Variants in CRACR2A observed in about 807,000 individuals in gnomAD.
The protein encoded by CRACR2A is EF-hand calcium-binding domain-containing protein 4B.
CRACR2A carries 79 observed loss-of-function variants against 90.5 expected under a neutral mutation model. That is an observed-to-expected ratio of 0.87 (90% CI 0.73 to 1.05). The LOEUF (loss-of-function observed/expected upper bound fraction) is 1.05, where lower values mean the gene tolerates loss of function less well. Ranked by LOEUF, CRACR2A falls within the 50% of genes least tolerant of loss-of-function variation. The pLI, the probability that CRACR2A is intolerant of heterozygous loss-of-function variation, is 0.00. For missense variants in CRACR2A, 823 were observed against 897.2 expected (o/e 0.92, Z 1.06); for synonymous variants, 338 against 356.7 (o/e 0.95, Z 0.59).
intron 6 of CRACR2A, among the ~76,000 whole-genome samples, chr12:3,674,081 C>A (rs1198961777): frequency 6.6e-6 from 1 of 152,204 alleles, no homozygotes; most frequent in Non-Finnish European, 1.5e-5. Context: ...TTTAAGGACA[C>A]ACACTATGGA....
intron 15 of CRACR2A, among the ~76,000 whole-genome samples, chr12:3,631,214 C>G (rs1053739910): frequency 6.6e-6 from 1 of 152,188 alleles, no homozygotes; most frequent in Non-Finnish European, 1.5e-5. Context: ...TGATTTGGAA[C>G]TTTTGATATT....
At chr12:3,738,662 T>A (rs1323785552) in intron 1 of CRACR2A, among the ~76,000 whole-genome samples, 4 of 152,112 alleles carry the variant, frequency 2.6e-5, no homozygotes. Context: ...CTAACATACA[T>A]CTGTTTGGAG....
chr12:3,619,474 C>A, intron 17 of CRACR2A, 102 bp from the exon 18 acceptor site: 1 of 860,542 alleles, frequency 1.2e-6, no homozygotes, highest in Non-Finnish European at 1.9e-6. Flanking sequence ...GCTTGAGAAT[C>A]CCCTGCTGCC....
chr12:3,666,855 G>A (rs1449493319), intron 7 of CRACR2A, among the ~76,000 whole-genome samples: 1 of 152,234 alleles, frequency 6.6e-6, no homozygotes, highest in Admixed American at 6.5e-5. Context: ...CTAGGCTGTA[G>A]GCAGGGGTGT....
intron 1 of CRACR2A, among the ~76,000 whole-genome samples, chr12:3,742,153 T>A (rs1250052298): frequency 6.6e-6 from 1 of 152,216 alleles, no homozygotes; most frequent in Non-Finnish European, 1.5e-5. Flanking sequence ...TTTGGCTCTA[T>A]AACCAGGACT....
intron 17 of CRACR2A, among the ~76,000 whole-genome samples, chr12:3,625,421 C>A (rs1944238201): frequency 6.6e-6 from 1 of 151,688 alleles, no homozygotes; most frequent in Admixed American, 6.6e-5. Flanking sequence ...AACGACACCC[C>A]CTAATGACAG....
At chr12:3,634,140 G>A (rs1565466085) in intron 14 of CRACR2A, among the ~76,000 whole-genome samples, 1 of 152,194 alleles carries the variant, frequency 6.6e-6, no homozygotes, top group Non-Finnish European at 1.5e-5. Flanking sequence ...AATTCTTTCT[G>A]TGGGGAAGGA....
intron 17 of CRACR2A, among the ~76,000 whole-genome samples, chr12:3,619,653 A>T (rs903030664): frequency 2.6e-5 from 4 of 152,194 alleles, no homozygotes; most frequent in African/African-American, 9.6e-5. Flanking sequence ...CTTGGATCTT[A>T]GATGGAACAG....
chr12:3,659,819 AC>A (rs1279382889), intron 7 of CRACR2A, among the ~76,000 whole-genome samples, 165 bp from the exon 8 acceptor site: 1 of 152,084 alleles, frequency 6.6e-6, no homozygotes, highest in South Asian at 2.1e-4. Flanking sequence ...TGATCAGCTA[AC>A]CCGACAAGGG....
chr12:3,750,899 C>T (rs1184376464), intron 1 of CRACR2A, among the ~76,000 whole-genome samples: 1 of 152,196 alleles, frequency 6.6e-6, no homozygotes, highest in African/African-American at 2.4e-5. Context: ...CTTCTGCAGG[C>T]TCACCACAGC....
At chr12:3,659,058 G>A (rs1944973496) in intron 8 of CRACR2A, among the ~76,000 whole-genome samples, 2 of 152,200 alleles carry the variant, frequency 1.3e-5, no homozygotes, top group Non-Finnish European at 2.9e-5. Context: ...AAGGGTAAAG[G>A]ATAGGTAGCA....
chr12:3,682,009 T>A (rs1354849875), intron 4 of CRACR2A, among the ~76,000 whole-genome samples: 1 of 152,214 alleles, frequency 6.6e-6, no homozygotes, highest in Non-Finnish European at 1.5e-5. Context: ...ATCTCTGACT[T>A]ATCAACAATC....
intron 15 of CRACR2A, among the ~76,000 whole-genome samples, chr12:3,629,408 G>C (rs912370883): frequency 1.8e-4 from 28 of 152,208 alleles, no homozygotes; most frequent in African/African-American, 6.8e-4. Flanking sequence ...TTTCTTCCTG[G>C]CTAGAAGTGG....
chr12:3,649,707 G>A (rs1052572620), intron 10 of CRACR2A, among the ~76,000 whole-genome samples: 57 of 152,116 alleles, frequency 3.7e-4, no homozygotes, highest in African/African-American at 1.4e-3. Flanking sequence ...TGTTTACATC[G>A]ATACCCTCAA....
chr12:3,617,116 A>G, intron 18 of CRACR2A, 86 bp from the exon 19 acceptor site: 1 of 963,330 alleles, frequency 1.0e-6, no homozygotes, highest in Non-Finnish European at 1.6e-6. Context: ...TTGTGCATCT[A>G]CCTACAGCCT....
intron 2 of CRACR2A, chr12:3,725,873 A>G (rs1393376627): frequency 6.6e-6 from 1 of 152,186 alleles, no homozygotes; most frequent in East Asian, 1.9e-4. Context: ...AGACATTGTA[A>G]AGAATCCCAG....
At chr12:3,653,673 A>G (rs933050869) in intron 10 of CRACR2A, among the ~76,000 whole-genome samples, 6 of 152,124 alleles carry the variant, frequency 3.9e-5, no homozygotes, top group Non-Finnish European at 8.8e-5. Flanking sequence ...GAATCTGAGG[A>G]ACATGGTGAA....
intron 3 of CRACR2A, among the ~76,000 whole-genome samples, 173 bp from the exon 4 acceptor site, chr12:3,697,208 A>T (rs985708687): frequency 6.6e-6 from 1 of 152,222 alleles, no homozygotes; most frequent in Non-Finnish European, 1.5e-5. Flanking sequence ...ATATTCCATG[A>T]TCACTAATAG....
chr12:3,708,981 C>T (rs1413382228), intron 3 of CRACR2A, among the ~76,000 whole-genome samples: 2 of 152,180 alleles, frequency 1.3e-5, no homozygotes, highest in Admixed American at 6.5e-5. Flanking sequence ...GATGTTCCAA[C>T]TCTTTCTGGA....
Sources: gnomAD v4.1 joint callset for allele counts (sites outside exome capture counted in the v4.1 genomes callset) on GRCh38, gnomAD v4.1.1 for gene constraint, MANE v1.5 for transcripts, NCBI Gene and HGNC (gene_info 2026-07-23, HGNC 2026-07-21) for gene names.